Variants in SGCZ observed in about 807,000 individuals in gnomAD.
SGCZ encodes the protein zeta-sarcoglycan.
A neutral mutation model predicts 41.3 loss-of-function variants in SGCZ; 40 were observed. The observed-to-expected ratio is 0.97, with a 90% CI of 0.75 to 1.26. The LOEUF (loss-of-function observed/expected upper bound fraction) is 1.26. Ranked by LOEUF, SGCZ falls within the 50% of genes most tolerant of loss-of-function variation. The pLI is 0.00. For missense variants in SGCZ, 552 were observed against 369.8 expected, an observed-to-expected ratio of 1.49 and a Z score of -4.04; for synonymous variants, 206 against 137.5, an observed-to-expected ratio of 1.50 and a Z score of -3.49.
chr8:14,207,511 T>C (rs1233261104), intron 4 of SGCZ, among the ~76,000 whole-genome samples: 2 of 152,218 alleles, frequency 1.3e-5, no homozygotes, highest in Non-Finnish European at 2.9e-5. Flanking sequence ...TAAATGCTAG[T>C]CTAGTCAACA....
At chr8:14,925,433 T>G (rs894105275) in intron 1 of SGCZ, among the ~76,000 whole-genome samples, 5 of 152,208 alleles carry the variant, frequency 3.3e-5, no homozygotes, top group Non-Finnish European at 7.3e-5. Flanking sequence ...TTTATATTTA[T>G]GTACTAAGAA....
chr8:14,358,459 A>G (rs1803374351), intron 2 of SGCZ, among the ~76,000 whole-genome samples: 1 of 152,136 alleles, frequency 6.6e-6, no homozygotes, highest in Non-Finnish European at 1.5e-5. Context: ...ATGGTAACGC[A>G]ATGTATGGCT....
chr8:15,089,530 G>T (rs1174181630), intron 1 of SGCZ, among the ~76,000 whole-genome samples: 1 of 151,910 alleles, frequency 6.6e-6, no homozygotes. Context: ...TCAAAAACCT[G>T]GATGGAAAAT....
intron 3 of SGCZ, among the ~76,000 whole-genome samples, chr8:14,305,142 T>G (rs1346943531): frequency 6.6e-6 from 1 of 152,176 alleles, no homozygotes; most frequent in East Asian, 1.9e-4. Context: ...CTGATATTCA[T>G]TTTAATATAA....
chr8:14,406,252 T>A (rs1799209197), intron 2 of SGCZ, among the ~76,000 whole-genome samples: 1 of 152,144 alleles, frequency 6.6e-6, no homozygotes, highest in South Asian at 2.1e-4. Context: ...TCAGTTCTCA[T>A]CTCACAGAGG....
At chr8:15,023,629 C>A (rs1803338319) in intron 1 of SGCZ, among the ~76,000 whole-genome samples, 1 of 152,106 alleles carries the variant, frequency 6.6e-6, no homozygotes, top group Admixed American at 6.5e-5. Context: ...GATACTGCTA[C>A]AACATTTTTA....
At chr8:14,980,363 A>C (rs1426398627) in intron 1 of SGCZ, among the ~76,000 whole-genome samples, 2 of 152,222 alleles carry the variant, frequency 1.3e-5, no homozygotes, top group East Asian at 3.8e-4. Flanking sequence ...TATTGACTTG[A>C]CATCAGAAAT....
intron 3 of SGCZ, among the ~76,000 whole-genome samples, chr8:14,247,387 C>G (rs564778805): frequency 6.6e-6 from 1 of 152,256 alleles, no homozygotes; most frequent in South Asian, 2.1e-4. Flanking sequence ...CAGAATGATG[C>G]TGCAGGGAGC....
chr8:14,811,520 T>TTC (rs2130538555), intron 1 of SGCZ, among the ~76,000 whole-genome samples: 1 of 129,448 alleles, frequency 7.7e-6, no homozygotes, highest in Admixed American at 7.8e-5. Context: ...CACTGCATCT[T>TTC]TTTTTTTTTT....
intron 3 of SGCZ, among the ~76,000 whole-genome samples, chr8:14,271,744 C>T (rs768457821): frequency 7.2e-5 from 11 of 152,110 alleles, no homozygotes; most frequent in Non-Finnish European, 1.3e-4. Context: ...CTTCCTTGTC[C>T]GCTTCTAAAA....
At chr8:15,185,721 T>G (rs931855135) in intron 1 of SGCZ, among the ~76,000 whole-genome samples, 5 of 152,110 alleles carry the variant, frequency 3.3e-5, no homozygotes, top group Non-Finnish European at 7.4e-5. Flanking sequence ...AAGGCATAAT[T>G]ACATACTCAG....
chr8:14,509,905 C>G (rs111946240), intron 2 of SGCZ, among the ~76,000 whole-genome samples: 1 of 151,980 alleles, frequency 6.6e-6, no homozygotes, highest in Non-Finnish European at 1.5e-5. Flanking sequence ...CTCACTATCA[C>G]AAGAACAGCA....
rs77742195 is a variant in SGCZ, at chr8:14,408,457, C to T, written c.235-84253G>A. ...ATGAAATAGATCATCAGTCCTAATA[C>T]GCTCCATTCCCCTGCCCTCCATTTA... On this transcript the variant is annotated intron_variant, in intron 2 of 7. Transcript: ENST00000382080. 1.7e-4 allele frequency among the ~76,000 whole-genome samples: 26 copies of T among 152,180 alleles called. 1 individual carries two copies. The South Asian group carries it at 4.8e-3, about 28-fold the overall frequency.
chr8:14,845,374 A>G (rs989416914), intron 1 of SGCZ, among the ~76,000 whole-genome samples: 2 of 149,794 alleles, frequency 1.3e-5, no homozygotes. Flanking sequence ...TATACCAAAC[A>G]AAGCTTTTTG....
intron 2 of SGCZ, among the ~76,000 whole-genome samples, chr8:14,547,000 G>T (rs1803650404): frequency 6.6e-6 from 1 of 151,656 alleles, no homozygotes; most frequent in Non-Finnish European, 1.5e-5. Context: ...ATAAAGCCTG[G>T]TCTATAATGC....
chr8:15,005,909 C>T (rs1411802278), intron 1 of SGCZ, among the ~76,000 whole-genome samples: 1 of 152,052 alleles, frequency 6.6e-6, no homozygotes, highest in African/African-American at 2.4e-5. Flanking sequence ...TTTTAATTGC[C>T]ATGCACAACA....
At chr8:14,676,346 A>ATGTGTGTGTGTGTGTGTGTGTGTGTG (rs33909996) in intron 1 of SGCZ, among the ~76,000 whole-genome samples, 21 of 149,414 alleles carry the variant, frequency 1.4e-4, no homozygotes, top group East Asian at 1.0e-3. Context: ...AATGAAATAG[A>ATGTGTGTGTGTGTGTGTGTGTGTGTG]TGTGTGTGTG....
rs79590265 is a variant in SGCZ at position 14,632,446 on chromosome 8, C to T, written c.40-77520G>A. Among the ~76,000 whole-genome samples, 1,337 of 152,176 alleles carry T rather than the reference C, an allele frequency of 8.8e-3. 19 individuals are homozygous for T. The highest frequency in any genetic ancestry group is 0.031 in the African/African-American group (1,267 of 41,534). On this transcript the variant is annotated intron_variant, in intron 1 of 7. Transcript: ENST00000382080. The stretch of plus-strand genomic sequence containing the variant: ...AAGGTAGCTACTATGAGGGGTTTAT[C>T]ATTTATTAAACTGAAGCAATTCACT...
intron 1 of SGCZ, among the ~76,000 whole-genome samples, chr8:14,848,383 C>G (rs550041217): frequency 2.0e-5 from 3 of 152,066 alleles, no homozygotes; most frequent in African/African-American, 7.2e-5. Flanking sequence ...ATGCAGAGGG[C>G]CTAAAATAGC....
Sources: gnomAD v4.1 joint callset for allele counts (sites outside exome capture counted in the v4.1 genomes callset) on GRCh38, gnomAD v4.1.1 for gene constraint, MANE v1.5 for transcripts, NCBI Gene and HGNC (gene_info 2026-07-23, HGNC 2026-07-21) for gene names.